Variants in MGAT3 observed in about 807,000 individuals in gnomAD.
The protein encoded by MGAT3 is GlcNAc-T III.
A neutral mutation model predicts 29.8 loss-of-function variants in MGAT3; 9 were observed. The ratio of observed to expected loss-of-function variants is 0.30; its 90% confidence interval spans 0.18 to 0.53. The LOEUF is 0.53. Ranked by LOEUF, MGAT3 falls within the 20% of genes least tolerant of loss-of-function variation. The probability of loss-of-function intolerance (pLI) is 0.96; values close to 1 mark genes in which losing one functional copy is unlikely to be tolerated. For missense variants in MGAT3, 557 were observed against 769.5 expected (o/e 0.72, Z 3.27); for synonymous variants, 397 against 348.9 (o/e 1.14, Z -1.54).
chr22:39,460,609 C>A (rs1419863604), intron 1 of MGAT3, among the ~76,000 whole-genome samples: 1 of 152,126 alleles, frequency 6.6e-6, no homozygotes, highest in African/African-American at 2.4e-5. Context: ...ACCAGCCTGG[C>A]CAACATGGTG....
chr22:39,484,708 TAAA>T (rs1929221729), intron 1 of MGAT3, among the ~76,000 whole-genome samples: 1 of 151,546 alleles, frequency 6.6e-6, no homozygotes, highest in African/African-American at 2.4e-5. Context: ...TTGCTGTCCT[TAAA>T]AAGTAGGGAG....
chr22:39,489,909 CCCTT>C lies in MGAT3; in HGVS notation c.*965_*968del, dbSNP rs1289725086. The C allele has an allele frequency of 6.0e-6, 1 of 167,476 alleles. No individual in the cohort carries two copies. Among genetic ancestry groups the C allele is most frequent in the African/African-American group, 2.4e-5 (1 of 41,464 alleles). 10.4% of individuals were successfully genotyped at this position (167,476 alleles called of 1,614,324 possible). Reference sequence around the variant, plus strand: ...TGTCCCAGGTGCAGTCACTGTTGTGCCCTTCCTTGGGGCAGGCTGGCTGGGGGCC... The same window carrying C: ...TGTCCCAGGTGCAGTCACTGTTGTGCCCTTGGGGCAGGCTGGCTGGGGGCC... On this transcript the variant is annotated 3_prime_UTR_variant, in exon 2 of 2. Coordinates refer to ENST00000341184, the MANE Select transcript of MGAT3 (RefSeq NM_002409.5).
chr22:39,489,052 GA>G lies in MGAT3; in HGVS notation c.*104del. On this transcript the variant is annotated 3_prime_UTR_variant, in exon 2 of 2. Transcript: ENST00000341184. ...GCTCCTTGGTTCTTGAGGGGACCAG[GA>G]GTGGGTGGGGAGTGGGGGTGGGGGT... The G allele has an allele frequency of 3.3e-6, 3 of 909,508 alleles. No individual in the cohort carries two copies. Among genetic ancestry groups the G allele is most frequent in the Non-Finnish European group, 4.7e-6 (3 of 639,954 alleles). 56.3% of individuals were successfully genotyped at this position (909,508 alleles called of 1,614,324 possible).
chr22:39,468,354 G>A (rs552308872), intron 1 of MGAT3, among the ~76,000 whole-genome samples: 3 of 152,360 alleles, frequency 2.0e-5, no homozygotes, highest in South Asian at 2.1e-4. Flanking sequence ...CGCACCTGCA[G>A]CACCAGGGCA....
At chr22:39,465,702 G>T (rs532945303) in intron 1 of MGAT3, among the ~76,000 whole-genome samples, 2 of 152,004 alleles carry the variant, frequency 1.3e-5, no homozygotes, top group Non-Finnish European at 2.9e-5. Context: ...GAGGCCGAGG[G>T]GGGTGGATCA....
intron 1 of MGAT3, among the ~76,000 whole-genome samples, chr22:39,461,163 A>G (rs972852063): frequency 2.6e-5 from 4 of 152,186 alleles, no homozygotes; most frequent in Admixed American, 2.6e-4. Flanking sequence ...GCCTAACAAG[A>G]GTGTCATAAT....
At chr22:39,471,226 G>T (rs1037216484) in intron 1 of MGAT3, among the ~76,000 whole-genome samples, 4 of 152,184 alleles carry the variant, frequency 2.6e-5, no homozygotes, top group Admixed American at 1.3e-4. Context: ...TTGTCCAGAT[G>T]GTCTGGGGCA....
rs763347731 is a variant in MGAT3, at chr22:39,487,551, C to A, written c.204C>A (p.Asp68Glu). 1.9e-6 allele frequency: 3 copies of A among 1,612,954 alleles called. No homozygotes were observed. In the South Asian group the frequency reaches 3.3e-5, roughly 18 times the overall value. ...PQASPEPGGP[D>E]LLRTPLYSHS... ...CCAGCCCCGAGCCAGGAGGCCCTGA[C>A]CTGCTGCGTACCCCACTCTACTCCC... Residue 68 changes from aspartate to glutamate, a missense_variant, in exon 2 of 2, where the codon GAC (aspartate) becomes GAA (glutamate). Around this residue, in one of 3 missense-constraint regions of MGAT3, gnomAD observed 212 missense variants for 228.5 expected, o/e 0.93. Transcript: ENST00000341184. This position sits in a 1 kb window ranked among gnomAD's most constrained non-coding sequence, Gnocchi z 5.7.
chr22:39,492,172 T>A lies in MGAT3; in HGVS notation c.*3223T>A, dbSNP rs952565740. Reference sequence around the variant, plus strand: ...TTAAAGGAGAAGATAATATTAATAATAAAAACAGCTACAAAGTCTGAATTG... The same window carrying A: ...TTAAAGGAGAAGATAATATTAATAAAAAAAACAGCTACAAAGTCTGAATTG... On this transcript the variant is annotated 3_prime_UTR_variant, in exon 2 of 2. Transcript: ENST00000341184. The A allele has an allele frequency of 1.2e-5, 2 of 166,624 alleles. No homozygotes were observed. Among genetic ancestry groups the A allele is most frequent in the African/African-American group, 4.8e-5 (2 of 41,484 alleles). The allele number at this position is 166,624 out of a possible 1,614,324, so 10.3% of individuals were successfully genotyped here.
At chr22:39,477,282 A>G (rs1160096434) in intron 1 of MGAT3, among the ~76,000 whole-genome samples, 5 of 152,216 alleles carry the variant, frequency 3.3e-5, no homozygotes, top group Non-Finnish European at 7.3e-5. Context: ...TGGACCCAGG[A>G]GAGGAGTCTG....
intron 1 of MGAT3, among the ~76,000 whole-genome samples, chr22:39,482,033 AG>A (rs1929143139): frequency 6.6e-6 from 1 of 152,150 alleles, no homozygotes; most frequent in Admixed American, 6.5e-5. Context: ...AGCTCACTGC[AG>A]CCTTGACCTG....
At chr22:39,471,646 C>T (rs1296221027) in intron 1 of MGAT3, among the ~76,000 whole-genome samples, 1 of 152,078 alleles carries the variant, frequency 6.6e-6, no homozygotes, top group African/African-American at 2.4e-5. Context: ...TTGGGAGTCC[C>T]CCTGTCCCCC....
intron 1 of MGAT3, among the ~76,000 whole-genome samples, chr22:39,472,122 G>A (rs1229159781): frequency 1.3e-5 from 2 of 152,164 alleles, no homozygotes; most frequent in Admixed American, 1.3e-4. Flanking sequence ...AGGAATGAAT[G>A]CCTTGCTAAG....
At chr22:39,480,148 C>T (rs954283036) in intron 1 of MGAT3, among the ~76,000 whole-genome samples, 3 of 152,106 alleles carry the variant, frequency 2.0e-5, no homozygotes, top group Admixed American at 6.5e-5. Context: ...GGGGCAGAGG[C>T]AGGTGCTTTG....
intron 1 of MGAT3, among the ~76,000 whole-genome samples, chr22:39,475,402 G>T (rs1156601439): frequency 2.6e-5 from 4 of 151,940 alleles, no homozygotes; most frequent in Non-Finnish European, 5.9e-5. Flanking sequence ...TCTGTGTATC[G>T]GGCCCTGAGG....
rs773650288 is a variant in MGAT3 at position 39,487,662 on chromosome 22, C to T, written c.315C>T (p.Thr105=). Residue 105 remains threonine, a synonymous_variant, in exon 2 of 2, where the codon ACC becomes ACT. Coordinates refer to ENST00000341184, the MANE Select transcript of MGAT3 (RefSeq NM_002409.5). This position sits in a 1 kb window ranked among gnomAD's most constrained non-coding sequence, Gnocchi z 5.7. The part of the protein sequence containing the change: ...RVDLVLPEDT[T]EYFVRTKAGG... ...ACTTGGTGCTGCCCGAGGACACCAC[C>T]GAGTATTTCGTGCGCACCAAGGCCG... The T allele has an allele frequency of 2.5e-6, 4 of 1,608,996 alleles. No individual in the cohort carries two copies. The highest frequency in any genetic ancestry group is 1.1e-5 in the South Asian group (1 of 90,782).
At chr22:39,479,524 T>C (rs1309547604) in intron 1 of MGAT3, among the ~76,000 whole-genome samples, 1 of 152,164 alleles carries the variant, frequency 6.6e-6, no homozygotes, top group African/African-American at 2.4e-5. Context: ...TGCCCTGAGA[T>C]AGGACAGCAC....
In MGAT3 at chr22:39,488,905, G is replaced by A. The variant is rs201524518; in HGVS notation, c.1558G>A (p.Gly520Arg). The A allele has an allele frequency of 1.1e-4, 179 of 1,603,722 alleles. No individual in the cohort carries two copies. The African/African-American group carries it at 1.8e-3, about 16-fold the overall frequency. ...AGGWRHRGPE[G>R]RPPARGKLDE... ...CGGGTGGCGCCACAGGGGTCCCGAG[G>A]GAAGGCCGCCCGCCCGGGGCAAACT... Residue 520 changes from glycine to arginine, a missense_variant, in exon 2 of 2, where the codon GGA becomes AGA. Coordinates refer to ENST00000341184, the MANE Select transcript of MGAT3 (RefSeq NM_002409.5).
intron 1 of MGAT3, among the ~76,000 whole-genome samples, chr22:39,466,465 C>G (rs758574816): frequency 3.3e-4 from 50 of 152,250 alleles, no homozygotes; most frequent in Non-Finnish European, 6.8e-4. Context: ...TCCTCCGGGG[C>G]TGGTCCAGCC....
Sources: allele counts gnomAD v4.1 joint callset (sites outside exome capture counted in the v4.1 genomes callset), GRCh38; gene constraint gnomAD v4.1.1; regional missense constraint gnomAD v4.1.1; non-coding constraint Gnocchi (gnomAD v3.1); transcripts MANE v1.5; gene names NCBI Gene and HGNC (gene_info 2026-07-23, HGNC 2026-07-21).